TMPO: variants seen among roughly 807,000 people sequenced by gnomAD.
The protein encoded by TMPO is LEM domain containing 4.
In TMPO, 22 loss-of-function variants were observed where a neutral mutation model predicts 45.4. The ratio of observed to expected loss-of-function variants is 0.48; its 90% CI spans 0.35 to 0.69. TMPO has a LOEUF of 0.69. Among genes scored for constraint, TMPO ranks in the 30% least tolerant of loss-of-function variants. TMPO has a pLI of 0.01. For missense variants in TMPO, 512 were observed against 548.8 expected, an observed-to-expected ratio of 0.93 and a Z score of 0.67; for synonymous variants, 241 against 204.1, an observed-to-expected ratio of 1.18 and a Z score of -1.54.
intron 2 of TMPO, among the ~76,000 whole-genome samples, chr12:98,529,820 A>G (rs1018190200): frequency 1.1e-4 from 17 of 152,132 alleles, no homozygotes; most frequent in Non-Finnish European, 1.0e-4. Flanking sequence ...AGGCCTCCCT[A>G]AGTCCTAGGA....
intron 1 of TMPO, among the ~76,000 whole-genome samples, chr12:98,526,094 T>A (rs920441818): frequency 2.0e-5 from 3 of 152,214 alleles, no homozygotes; most frequent in Non-Finnish European, 2.9e-5. Flanking sequence ...AAATACTGCC[T>A]TTGTAGAAAT....
chr12:98,535,551 C>G (rs1003742375), intron 3 of TMPO: 3 of 984,126 alleles, frequency 3.0e-6, no homozygotes, highest in Non-Finnish European at 3.6e-6. Flanking sequence ...ATACATGTAC[C>G]TACTGAGTGC....
At chr12:98,534,337 C>T (rs1410684113) in intron 3 of TMPO, 4 of 1,611,812 alleles carry the variant, frequency 2.5e-6, no homozygotes, top group Non-Finnish European at 3.4e-6. Context: ...TGGAAATAAA[C>T]ACTAGTAAAA....
At chr12:98,523,526 AGT>A (rs1876536261) in intron 1 of TMPO, among the ~76,000 whole-genome samples, 1 of 151,544 alleles carries the variant, frequency 6.6e-6, no homozygotes, top group African/African-American at 2.4e-5. Context: ...TGGGCAACAG[AGT>A]GAGACTCCAT....
intron 3 of TMPO, chr12:98,535,228 A>G (rs1426331434): frequency 5.1e-6 from 5 of 983,992 alleles, no homozygotes; most frequent in South Asian, 9.4e-5. Context: ...GATATATTGT[A>G]TTTTGTGGAA....
At chr12:98,522,824 A>C (rs1317078495) in intron 1 of TMPO, among the ~76,000 whole-genome samples, 1 of 152,230 alleles carries the variant, frequency 6.6e-6, no homozygotes, top group East Asian at 1.9e-4. Context: ...GGATATTAGC[A>C]TTTTATTCCA....
In TMPO at chr12:98,515,735, GC is replaced by G. The variant is rs991503402; in HGVS notation, c.-132del. On this transcript the variant is annotated 5_prime_UTR_variant, in exon 1 of 9. Transcript: ENST00000556029. ...CTTTGTGTCCGCGAGTTTTTGTTCC[GC>G]TCCGCAGCGCTCTTCCCGGGCAGGA... 2 of 1,526,292 alleles carry G rather than the reference GC, an allele frequency of 1.3e-6. No individual in the cohort carries two copies. The highest frequency in any genetic ancestry group is 2.8e-5 in the African/African-American group (2 of 72,182). 94.5% of individuals were successfully genotyped at this position (1,526,292 alleles called of 1,614,324 possible). A position where few individuals can be genotyped will look rare whatever the true frequency, so the allele number is the denominator to read the frequency against.
At chr12:98,517,772 C>T (rs780479974) in intron 1 of TMPO, among the ~76,000 whole-genome samples, 15 of 152,218 alleles carry the variant, frequency 9.9e-5, no homozygotes, top group Non-Finnish European at 2.1e-4. Context: ...TCTTTAATTT[C>T]TTAATAAACA....
intron 1 of TMPO, among the ~76,000 whole-genome samples, chr12:98,523,961 G>A (rs1443734274): frequency 7.1e-6 from 1 of 140,544 alleles, no homozygotes; most frequent in Non-Finnish European, 1.6e-5. Context: ...TTACAGACAT[G>A]AGCCACTGCC....
chr12:98,527,789 T>G, intron 1 of TMPO, 97 bp from the exon 2 acceptor site: 1 of 1,425,444 alleles, frequency 7.0e-7, no homozygotes, highest in Non-Finnish European at 9.8e-7. Flanking sequence ...TATAAACCAA[T>G]TTGGTAGTGA....
intron 1 of TMPO, among the ~76,000 whole-genome samples, chr12:98,521,100 ATT>A (rs398044704): frequency 2.7e-3 from 205 of 76,740 alleles, no homozygotes; most frequent in African/African-American, 7.9e-3. Context: ...TTTATGAGGA[ATT>A]TTTTTTTTTT....
At chr12:98,546,523 T>TA in intron 8 of TMPO, 76 bp downstream of exon 8, 1 of 1,159,536 alleles carries the variant, frequency 8.6e-7, no homozygotes, top group Non-Finnish European at 1.3e-6. Context: ...ATCACAAAGT[T>TA]ACTGTACTTC....
At chr12:98,531,054 T>G (rs1477454550) in intron 2 of TMPO, among the ~76,000 whole-genome samples, 1 of 152,166 alleles carries the variant, frequency 6.6e-6, no homozygotes, top group African/African-American at 2.4e-5. Context: ...TTCTCCTGCC[T>G]CAGCTTCCTG....
chr12:98,525,322 T>C (rs1007390820), intron 1 of TMPO, among the ~76,000 whole-genome samples: 1 of 152,246 alleles, frequency 6.6e-6, no homozygotes, highest in African/African-American at 2.4e-5. Context: ...TTAAGATTTC[T>C]CGTAAGTTGA....
In TMPO at chr12:98,515,658, C is replaced by G; in HGVS notation, c.-210C>G. 1 of 1,008,842 alleles carries G rather than the reference C, an allele frequency of 9.9e-7. No homozygotes were observed. The highest frequency in any genetic ancestry group is 2.6e-5 in the East Asian group (1 of 38,074). The allele number at this position is 1,008,842 out of a possible 1,614,324, so 62.5% of individuals were successfully genotyped here. ...TTGGTGCGAGCTTCCAGCTTGGCCG[C>G]AGTTGGTTCGTAGTTCGGCTCTGGG... is the stretch of plus-strand genomic sequence containing the variant. On this transcript the variant is annotated 5_prime_UTR_variant, in exon 1 of 9. Transcript: ENST00000556029.
intron 4 of TMPO, 99 bp from the exon 5 acceptor site, chr12:98,544,131 G>C: frequency 7.5e-7 from 1 of 1,335,160 alleles, no homozygotes; most frequent in Non-Finnish European, 1.1e-6. Context: ...GCTGGCATTT[G>C]GAGACTTCTA....
intron 1 of TMPO, among the ~76,000 whole-genome samples, chr12:98,524,710 C>T (rs925371647): frequency 2.6e-5 from 4 of 152,226 alleles, no homozygotes; most frequent in Non-Finnish European, 5.9e-5. Flanking sequence ...TCTCCTGCCT[C>T]AGCTTCCCAG....
At chr12:98,521,921 T>C (rs1876400123) in intron 1 of TMPO, among the ~76,000 whole-genome samples, 1 of 152,148 alleles carries the variant, frequency 6.6e-6, no homozygotes, top group Admixed American at 6.6e-5. Context: ...GTAGAGACAG[T>C]TTCACCATGT....
chr12:98,533,236 G>A, intron 3 of TMPO: 1 of 1,613,960 alleles, frequency 6.2e-7, no homozygotes, highest in Non-Finnish European at 8.5e-7. Flanking sequence ...AGACATAGTA[G>A]AAAATATTTG....
Sources: allele counts gnomAD v4.1 joint callset (sites outside exome capture counted in the v4.1 genomes callset), GRCh38; gene constraint gnomAD v4.1.1; transcripts MANE v1.5; gene names NCBI Gene and HGNC (gene_info 2026-07-23, HGNC 2026-07-21).